Variants in CRHR2 observed in about 807,000 individuals in gnomAD.
CRHR2 encodes the protein corticotropin releasing hormone receptor 2, also known as corticotropin-releasing hormone receptor 2.
CRHR2 carries 53 observed loss-of-function variants against 57.9 expected under a neutral mutation model. The ratio of observed to expected loss-of-function variants is 0.92; its 90% CI spans 0.73 to 1.15. The LOEUF is 1.15. Ranked by LOEUF, CRHR2 falls within the 50% of genes most tolerant of loss-of-function variation. CRHR2 has a pLI of 0.00. For missense variants in CRHR2, 532 were observed against 542.6 expected (o/e 0.98, Z 0.19); for synonymous variants, 213 against 220.9 (o/e 0.96, Z 0.32).
upstream of CRHR2, among the ~76,000 whole-genome samples, chr7:30,686,174 G>A (rs1784851865): frequency 6.6e-6 from 1 of 152,186 alleles, no homozygotes; most frequent in East Asian, 1.9e-4. Context: ...TGGCCTTACA[G>A]CTCCACACTC....
chr7:30,671,802 G>GTGA (rs10577644), intron 2 of CRHR2, among the ~76,000 whole-genome samples: 18,968 of 143,788 alleles, frequency 0.13, 1,442 homozygotes, highest in East Asian at 0.32. Flanking sequence ...GTGAGACCCT[G>GTGA]TGATGATGAT....
At chr7:30,689,143 A>T (rs1784909984) in intron 2 of CRHR2, 6 of 1,505,794 alleles carry the variant, frequency 4.0e-6, no homozygotes, top group Non-Finnish European at 4.5e-6. Context: ...CGCAGGGCCC[A>T]CCCACATCTC....
intron 1 of CRHR2, chr7:30,697,877 T>A (rs927607502): frequency 6.6e-6 from 1 of 152,362 alleles, no homozygotes; most frequent in Non-Finnish European, 1.5e-5. Context: ...CACCTACACA[T>A]GCTTCTTCTG....
intron 9 of CRHR2, 37 bp from the exon 10 acceptor site, chr7:30,655,752 C>A: frequency 6.2e-7 from 1 of 1,604,336 alleles, no homozygotes; most frequent in Admixed American, 1.7e-5. Flanking sequence ...TGAGCCCATG[C>A]GGCAGGCAGG....
At chr7:30,697,462 G>A (rs1304060182) in intron 1 of CRHR2, among the ~76,000 whole-genome samples, 1 of 152,102 alleles carries the variant, frequency 6.6e-6, no homozygotes, top group Non-Finnish European at 1.5e-5. Flanking sequence ...TGAGTAAGGC[G>A]CCTAACACCA....
At chr7:30,682,483 G>C, upstream of CRHR2, 3 of 1,322,780 alleles carry the variant, frequency 2.3e-6, no homozygotes, top group Non-Finnish European at 9.6e-7. Context: ...AGGAGCCGCC[G>C]AGTGCACGGA....
At chr7:30,686,543 T>C (rs530950966), upstream of CRHR2, 19 of 1,515,846 alleles carry the variant, frequency 1.3e-5, no homozygotes, top group Non-Finnish European at 1.7e-5. Context: ...GTGCAGTGGC[T>C]CACACCCATA....
At position 30,662,708 on chromosome 7, in the gene CRHR2, A is replaced by G; in HGVS notation, c.683T>C (p.Leu228Pro). 6.2e-7 allele frequency: 1 copy of G among 1,613,920 alleles called. No homozygotes were observed. Residue 228 changes from leucine (L) to proline (P), a missense_variant, in exon 6 of 12, where the codon CTC becomes CCC. Physicochemically the swap from Leu to Pro is moderately conservative, Grantham distance 98. Coordinates refer to ENST00000471646, the MANE Select transcript of CRHR2 (RefSeq NM_001883.5). ...STERLRKCLFLFIGWCIPFPI... is the reference protein window; with the variant it reads ...STERLRKCLFPFIGWCIPFPI... ...GGGACCCTCACACCATCCGATGAAG[A>G]GGAAGAGGCACTTGCGCAGGCGCTC...
At chr7:30,680,950 G>T (rs1784684436) in intron 2 of CRHR2, among the ~76,000 whole-genome samples, 1 of 151,852 alleles carries the variant, frequency 6.6e-6, no homozygotes, top group African/African-American at 2.4e-5. Flanking sequence ...ATCCAGATAG[G>T]GTCTCAGCGT....
At position 30,653,998 on chromosome 7, in the gene CRHR2, C is replaced by T. The variant is rs1783680344; in HGVS notation, c.1096-398G>A. 6.6e-6 allele frequency among the ~76,000 whole-genome samples: 1 copy of T among 152,112 alleles called. No homozygotes were observed. Among genetic ancestry groups the T allele is most frequent in the Non-Finnish European group, 1.5e-5 (1 of 68,008 alleles). ...GGGCGTTGGTGGTGTGCGCCCAGCT[C>T]ACACACCTGGTGCGCCTCCTCCTCC... is the stretch of plus-strand genomic sequence containing the variant. On this transcript the variant is annotated intron_variant, in intron 11 of 11. Coordinates refer to ENST00000471646, the MANE Select transcript of CRHR2 (RefSeq NM_001883.5). This position sits in a 1 kb window ranked among gnomAD's most constrained non-coding sequence, Gnocchi z 5.0.
At chr7:30,697,071 A>C (rs189959706) in intron 1 of CRHR2, among the ~76,000 whole-genome samples, 1 of 152,352 alleles carries the variant, frequency 6.6e-6, no homozygotes, top group Non-Finnish European at 1.5e-5. Context: ...GCTGCTGGCA[A>C]ATGGCCCTGG....
intron 9 of CRHR2, 40 bp from the exon 10 acceptor site, chr7:30,655,755 C>T (rs1343466115): frequency 1.2e-6 from 2 of 1,601,924 alleles, no homozygotes; most frequent in South Asian, 1.1e-5. Flanking sequence ...GCCCATGCGG[C>T]AGGCAGGGCC....
chr7:30,666,745 G>A (rs1227870261), intron 3 of CRHR2, among the ~76,000 whole-genome samples: 1 of 152,246 alleles, frequency 6.6e-6, no homozygotes, highest in Non-Finnish European at 1.5e-5. Flanking sequence ...CGGTGCCTCA[G>A]CAGCACTGAA....
At chr7:30,690,732 C>T (rs1359038269) in intron 1 of CRHR2, among the ~76,000 whole-genome samples, 2 of 152,190 alleles carry the variant, frequency 1.3e-5, no homozygotes, top group Non-Finnish European at 2.9e-5. Flanking sequence ...AATGAATGAC[C>T]CCACCTGCTC....
intron 10 of CRHR2, 77 bp from the exon 11 acceptor site, chr7:30,655,157 A>T (rs1405373918): frequency 6.9e-7 from 1 of 1,459,148 alleles, no homozygotes; most frequent in Non-Finnish European, 9.4e-7. Context: ...GGCACTGGGG[A>T]CAAGATGGTG....
intron 2 of CRHR2, among the ~76,000 whole-genome samples, chr7:30,680,486 A>G (rs1784664965): frequency 6.6e-6 from 1 of 152,074 alleles, no homozygotes; most frequent in Admixed American, 6.6e-5. Flanking sequence ...ATGGCCCTTA[A>G]TCTCCGGGCC....
chr7:30,663,961 C>T (rs1310980575), intron 5 of CRHR2, among the ~76,000 whole-genome samples: 2 of 152,210 alleles, frequency 1.3e-5, no homozygotes, highest in Non-Finnish European at 2.9e-5. Flanking sequence ...TCTGGGCTTC[C>T]CTGCACAGTC....
intron 6 of CRHR2, 131 bp from the exon 7 acceptor site, chr7:30,662,347 C>G: frequency 9.6e-7 from 1 of 1,041,772 alleles, no homozygotes; most frequent in Middle Eastern, 2.1e-4. Flanking sequence ...CCCACAACCC[C>G]AGGGGTGCCC....
chr7:30,655,776 G>T (rs1783760533), intron 9 of CRHR2, 61 bp from the exon 10 acceptor site: 1 of 1,591,310 alleles, frequency 6.3e-7, no homozygotes, highest in African/African-American at 1.4e-5. Context: ...TCACCCAGTG[G>T]GCGGCGGGAG....
Sources: allele counts gnomAD v4.1 joint callset (sites outside exome capture counted in the v4.1 genomes callset), GRCh38; gene constraint gnomAD v4.1.1; non-coding constraint Gnocchi (gnomAD v3.1); transcripts MANE v1.5; gene names NCBI Gene and HGNC (gene_info 2026-07-23, HGNC 2026-07-21).